Variants in CNBD1 observed in about 807,000 individuals in gnomAD.
The protein encoded by CNBD1 is cyclic nucleotide binding domain containing 1.
Under a neutral mutation model 54.4 loss-of-function variants are expected in CNBD1, and 71 were observed. The observed-to-expected ratio is 1.30, with a 90% CI of 1.08 to 1.59. CNBD1 has a LOEUF of 1.59. Among genes scored for constraint, CNBD1 ranks in the 40% most tolerant of loss-of-function variants. CNBD1 has a pLI of 0.00. For missense variants in CNBD1, 659 were observed against 518.0 expected, an observed-to-expected ratio of 1.27 and a Z score of -2.64; for synonymous variants, 182 against 170.7, an observed-to-expected ratio of 1.07 and a Z score of -0.51.
At chr8:87,086,869 T>C (rs1368081156) in intron 4 of CNBD1, among the ~76,000 whole-genome samples, 1 of 152,140 alleles carries the variant, frequency 6.6e-6, no homozygotes, top group Non-Finnish European at 1.5e-5. Context: ...TTGCCTTCAT[T>C]TGAAAGCTTC....
At chr8:87,243,954 G>A (rs2336984) in intron 6 of CNBD1, among the ~76,000 whole-genome samples, 5 of 151,760 alleles carry the variant, frequency 3.3e-5, no homozygotes, top group Non-Finnish European at 7.4e-5. Flanking sequence ...AAAAAATTTT[G>A]TATAAATTTA....
chr8:86,972,922 G>A (rs1345020673), intron 4 of CNBD1, among the ~76,000 whole-genome samples: 44 of 152,120 alleles, frequency 2.9e-4, no homozygotes, highest in Admixed American at 2.9e-3. Flanking sequence ...TGTACTTTCA[G>A]GCTTACAGAC....
intron 3 of CNBD1, among the ~76,000 whole-genome samples, chr8:86,935,470 A>G (rs1809531589): frequency 6.6e-6 from 1 of 152,182 alleles, no homozygotes; most frequent in African/African-American, 2.4e-5. Context: ...TACTTGTGTC[A>G]GTTTGGTAAT....
intron 4 of CNBD1, among the ~76,000 whole-genome samples, chr8:87,086,469 A>G (rs946761070): frequency 5.3e-5 from 8 of 152,220 alleles, no homozygotes; most frequent in African/African-American, 1.9e-4. Context: ...GCCAAATGCA[A>G]ATACAATTTT....
intron 4 of CNBD1, among the ~76,000 whole-genome samples, chr8:87,195,327 C>T (rs144208064): frequency 0.017 from 2,528 of 149,280 alleles, 64 homozygotes; most frequent in African/African-American, 0.051. Flanking sequence ...CTCCCAGGTT[C>T]GAGTGATTCT....
intron 4 of CNBD1, among the ~76,000 whole-genome samples, chr8:86,990,231 G>A (rs149234136): frequency 1.1e-4 from 17 of 152,150 alleles, no homozygotes; most frequent in East Asian, 5.8e-4. Flanking sequence ...ATTTTGCTTC[G>A]GTTGTCTGTG....
intron 5 of CNBD1, among the ~76,000 whole-genome samples, chr8:87,220,838 A>C (rs1814317742): frequency 1.5e-5 from 2 of 137,438 alleles, no homozygotes; most frequent in African/African-American, 5.6e-5. Flanking sequence ...AAAGTAATGA[A>C]TCAAAATGTG....
chr8:86,915,496 T>G (rs1438935522), intron 3 of CNBD1, among the ~76,000 whole-genome samples: 2 of 152,198 alleles, frequency 1.3e-5, no homozygotes, highest in Non-Finnish European at 2.9e-5. Flanking sequence ...TATTATCATT[T>G]AAACTATAAA....
chr8:87,426,211 C>A (rs368891852), intron 2 of CNBD1, among the ~76,000 whole-genome samples: 2 of 152,118 alleles, frequency 1.3e-5, no homozygotes, highest in South Asian at 2.1e-4. Context: ...GACCTGCGCC[C>A]GCTGTCTGGC....
chr8:86,936,182 T>C (rs932941365), intron 3 of CNBD1, among the ~76,000 whole-genome samples: 1 of 152,162 alleles, frequency 6.6e-6, no homozygotes, highest in Non-Finnish European at 1.5e-5. Context: ...ATTTGTTTTA[T>C]CTGTGCCTCT....
chr8:87,391,562 T>G (rs1292009370), intron 2 of CNBD1, among the ~76,000 whole-genome samples: 1 of 146,522 alleles, frequency 6.8e-6, no homozygotes, highest in Non-Finnish European at 1.5e-5. Flanking sequence ...GCCTAGTTGA[T>G]TTTTTGACAG....
At chr8:86,899,131 A>G (rs969041745) in intron 2 of CNBD1, among the ~76,000 whole-genome samples, 2 of 152,140 alleles carry the variant, frequency 1.3e-5, no homozygotes, top group Non-Finnish European at 2.9e-5. Flanking sequence ...AAAAACGCAA[A>G]TACAGAGATA....
intron 5 of CNBD1, among the ~76,000 whole-genome samples, chr8:87,222,247 A>G (rs1269049629): frequency 6.6e-6 from 1 of 152,188 alleles, no homozygotes; most frequent in African/African-American, 2.4e-5. Context: ...CAAATATTTT[A>G]TAAAATTCTT....
At chr8:87,293,141 T>C (rs754348749) in intron 8 of CNBD1, among the ~76,000 whole-genome samples, 2 of 152,168 alleles carry the variant, frequency 1.3e-5, no homozygotes, top group African/African-American at 2.4e-5. Context: ...AAAAATAAAT[T>C]TTTTTCATAA....
intron 5 of CNBD1, among the ~76,000 whole-genome samples, chr8:87,218,714 T>C (rs1814265014): frequency 6.6e-6 from 1 of 152,038 alleles, no homozygotes; most frequent in Admixed American, 6.6e-5. Context: ...AGATATGATA[T>C]TGTTTTGATA....
intron 10 of CNBD1, among the ~76,000 whole-genome samples, chr8:87,376,352 A>G (rs1341128587): frequency 6.6e-6 from 1 of 151,854 alleles, no homozygotes; most frequent in Non-Finnish European, 1.5e-5. Context: ...AAGCTCTGAC[A>G]AGGGTACTAA....
intron 4 of CNBD1, among the ~76,000 whole-genome samples, chr8:87,092,644 C>T (rs965105142): frequency 6.6e-6 from 1 of 151,732 alleles, no homozygotes; most frequent in African/African-American, 2.4e-5. Flanking sequence ...GTTGGCTCCT[C>T]TTCCTGTATC....
intron 5 of CNBD1, among the ~76,000 whole-genome samples, chr8:87,207,589 G>A (rs1814003557): frequency 1.3e-5 from 2 of 151,980 alleles, no homozygotes; most frequent in South Asian, 2.1e-4. Context: ...GGGTGATAAA[G>A]GGCTAAAATT....
intron 1 of CNBD1, among the ~76,000 whole-genome samples, chr8:86,883,869 C>T (rs1226582818): frequency 6.6e-6 from 1 of 152,040 alleles, no homozygotes; most frequent in Non-Finnish European, 1.5e-5. Context: ...TTGCCCCTTT[C>T]GGCTGGGCGC....
Sources: gnomAD v4.1 joint callset for allele counts (sites outside exome capture counted in the v4.1 genomes callset) on GRCh38, gnomAD v4.1.1 for gene constraint, MANE v1.5 for transcripts, NCBI Gene and HGNC (gene_info 2026-07-23, HGNC 2026-07-21) for gene names.